SPON1: variants seen among roughly 807,000 people sequenced by gnomAD.
SPON1 encodes the protein spondin 1, also known as spondin-1.
Under a neutral mutation model 111.7 loss-of-function variants are expected in SPON1, and 52 were observed. The observed-to-expected ratio is 0.47, with a 90% CI of 0.37 to 0.59. The LOEUF is 0.59. Ranked by LOEUF, SPON1 falls within the 20% of genes least tolerant of loss-of-function variation. The pLI is 0.00. For missense variants in SPON1, 957 were observed against 1,068.5 expected (o/e 0.90, Z 1.46); for synonymous variants, 410 against 395.8 (o/e 1.04, Z -0.43).
rs566924401 is a variant in SPON1 at position 13,969,989 on chromosome 11, T to C, written c.238+6847T>C. On this transcript the variant is annotated intron_variant, in intron 1 of 15. Transcript: ENST00000576479. ...TCTCATGCTCACTCAGGCACATGCA[T>C]GCATTGAATGGAGTAGCAAGTGGCC... Among the ~76,000 whole-genome samples the C allele has an allele frequency of 2.6e-5, 4 of 152,374 alleles. No homozygotes were observed. In the South Asian group the frequency reaches 8.3e-4, roughly 32 times the overall value.
At chr11:14,015,049 A>G (rs1848434915) in intron 2 of SPON1, among the ~76,000 whole-genome samples, 1 of 152,174 alleles carries the variant, frequency 6.6e-6, no homozygotes, top group Non-Finnish European at 1.5e-5. Context: ...CTCATTTTTA[A>G]TGGGCACAAC....
At chr11:13,976,488 G>A (rs1554909063) in intron 1 of SPON1, among the ~76,000 whole-genome samples, 1 of 152,130 alleles carries the variant, frequency 6.6e-6, no homozygotes, top group African/African-American at 2.4e-5. Flanking sequence ...GATAATTATG[G>A]ATTAAAACCC....
chr11:14,164,171 T>C (rs1004765177), intron 6 of SPON1, among the ~76,000 whole-genome samples: 1 of 152,176 alleles, frequency 6.6e-6, no homozygotes, highest in Non-Finnish European at 1.5e-5. Flanking sequence ...AATTCGTTTA[T>C]CCACATAGCC....
chr11:14,014,868 A>G (rs1848433583), intron 2 of SPON1, among the ~76,000 whole-genome samples: 1 of 152,230 alleles, frequency 6.6e-6, no homozygotes, highest in South Asian at 2.1e-4. Flanking sequence ...ACAAAGATAC[A>G]GAGGTACATG....
intron 3 of SPON1, among the ~76,000 whole-genome samples, chr11:14,068,918 C>T (rs1435374423): frequency 6.6e-6 from 1 of 152,082 alleles, no homozygotes; most frequent in Non-Finnish European, 1.5e-5. Context: ...CCATTTGGTA[C>T]CCAGACTCAA....
At chr11:14,127,272 A>G (rs1847470648) in intron 5 of SPON1, among the ~76,000 whole-genome samples, 1 of 151,278 alleles carries the variant, frequency 6.6e-6, no homozygotes, top group South Asian at 2.1e-4. Flanking sequence ...TTTCAGAACC[A>G]AGACTAGAAT....
chr11:14,247,619 G>A (rs1849007070), intron 7 of SPON1, among the ~76,000 whole-genome samples: 2 of 152,146 alleles, frequency 1.3e-5, no homozygotes, highest in Admixed American at 6.5e-5. Flanking sequence ...AGATGTGTGA[G>A]GCACGTAGGA....
At chr11:14,190,222 G>T (rs1238598821) in intron 6 of SPON1, among the ~76,000 whole-genome samples, 1 of 128,710 alleles carries the variant, frequency 7.8e-6, no homozygotes, top group African/African-American at 2.7e-5. Flanking sequence ...ACAAGGGCAG[G>T]TCCTTCCCTC....
intron 6 of SPON1, among the ~76,000 whole-genome samples, chr11:14,193,644 C>T (rs1848370773): frequency 6.6e-6 from 1 of 152,138 alleles, no homozygotes; most frequent in African/African-American, 2.4e-5. Flanking sequence ...GAGGCTCTGC[C>T]TTTTCCCTCT....
intron 6 of SPON1, among the ~76,000 whole-genome samples, chr11:14,233,847 C>G (rs1328521687): frequency 1.4e-5 from 2 of 147,766 alleles, no homozygotes; most frequent in Non-Finnish European, 3.0e-5. Context: ...ACTGCGACCT[C>G]TGCCTCCTGA....
Position 14,108,353 on chromosome 11 carries a change from TA to T in SPON1, c.677-27064del, listed in dbSNP as rs529305413. On this transcript the variant is annotated intron_variant, in intron 5 of 15. Coordinates refer to ENST00000576479, the MANE Select transcript of SPON1 (RefSeq NM_006108.4). ...GCTACCCACCCAAATTCTCAACCTC[TA>T]AATAAGGATTTAGCTCTGATCTCAT... Among the ~76,000 whole-genome samples the T allele has an allele frequency of 3.9e-3, 601 of 152,332 alleles. 2 individuals carry two copies. The highest frequency in any genetic ancestry group is 7.2e-3 in the Non-Finnish European group (491 of 68,034).
At chr11:14,102,932 C>A (rs1428232515) in intron 5 of SPON1, among the ~76,000 whole-genome samples, 7 of 152,188 alleles carry the variant, frequency 4.6e-5, no homozygotes, top group Non-Finnish European at 7.3e-5. Context: ...ATTTTTGGTC[C>A]ATCTGTTGCA....
intron 6 of SPON1, among the ~76,000 whole-genome samples, chr11:14,148,367 G>A (rs546718258): frequency 3.3e-4 from 50 of 152,182 alleles, no homozygotes; most frequent in African/African-American, 1.1e-3. Context: ...AAGAGATTGC[G>A]GAAAACGAAG....
chr11:14,009,417 C>A (rs1848387789), intron 2 of SPON1, among the ~76,000 whole-genome samples: 1 of 152,150 alleles, frequency 6.6e-6, no homozygotes, highest in Admixed American at 6.6e-5. Context: ...TTAGAACATT[C>A]CCCTCTGCCC....
At chr11:14,086,105 ACCT>A (rs1849004120) in intron 5 of SPON1, among the ~76,000 whole-genome samples, 1 of 151,982 alleles carries the variant, frequency 6.6e-6, no homozygotes, top group Non-Finnish European at 1.5e-5. Context: ...AGACAATTTG[ACCT>A]CCTTTCTTCC....
At chr11:14,018,270 C>T (rs1460017702) in intron 2 of SPON1, among the ~76,000 whole-genome samples, 1 of 152,154 alleles carries the variant, frequency 6.6e-6, no homozygotes, top group African/African-American at 2.4e-5. Flanking sequence ...GCAGGAAGCC[C>T]TTAGTAGGTC....
intron 5 of SPON1, among the ~76,000 whole-genome samples, chr11:14,081,648 G>T (rs552296223): frequency 1.3e-5 from 2 of 151,218 alleles, no homozygotes; most frequent in Non-Finnish European, 3.0e-5. Flanking sequence ...TGTCTGTTTT[G>T]TTCTTGTGCA....
At chr11:14,104,959 T>A (rs1849173819) in intron 5 of SPON1, among the ~76,000 whole-genome samples, 1 of 152,158 alleles carries the variant, frequency 6.6e-6, no homozygotes, top group Admixed American at 6.5e-5. Context: ...TGTCTACTTA[T>A]GACTATATCT....
intron 5 of SPON1, among the ~76,000 whole-genome samples, chr11:14,105,218 C>T (rs1849175725): frequency 6.6e-6 from 1 of 152,074 alleles, no homozygotes; most frequent in Non-Finnish European, 1.5e-5. Flanking sequence ...CTATTCAAAG[C>T]ATCTATTTCA....
Sources: allele counts gnomAD v4.1 joint callset (sites outside exome capture counted in the v4.1 genomes callset), GRCh38; gene constraint gnomAD v4.1.1; transcripts MANE v1.5; gene names NCBI Gene and HGNC (gene_info 2026-07-23, HGNC 2026-07-21).